The following IFT140 variants were observed in gnomAD, a reference collection of about 807,000 sequenced individuals.
The protein encoded by IFT140 is intraflagellar transport protein 140 homolog.
A neutral mutation model predicts 164.6 loss-of-function variants in IFT140; 133 were observed. The observed-to-expected ratio is 0.81, with a 90% CI of 0.70 to 0.93. IFT140 has a LOEUF of 0.93. Among genes scored for constraint, IFT140 ranks in the 40% least tolerant of loss-of-function variants. The probability of loss-of-function intolerance (pLI) is 0.00; values close to 1 mark genes in which losing one functional copy is unlikely to be tolerated. For missense variants in IFT140, 2,045 were observed against 1,972.3 expected (o/e 1.04, Z -0.70); for synonymous variants, 860 against 817.3 (o/e 1.05, Z -0.89).
rs2032842397 is a variant in IFT140 at position 1,553,453 on chromosome 16, G to A, written c.2399+4482C>T. The A allele has an allele frequency of 1.0e-6, 1 of 985,456 alleles. No individual in the cohort carries two copies. The highest frequency in any genetic ancestry group is 4.7e-5 in the South Asian group (1 of 21,290). 61.0% of individuals were successfully genotyped at this position (985,456 alleles called of 1,614,324 possible). A position where few individuals can be genotyped will look rare whatever the true frequency, so the allele number is the denominator to read the frequency against. On this transcript the variant is annotated intron_variant, in intron 19 of 30. Transcript: ENST00000426508. This position sits in a 1 kb window ranked among gnomAD's most constrained non-coding sequence, Gnocchi z 4.4. ...AGAGACCGGCATGAACAGACGCACA[G>A]GTGTCAACATGCAGGCCAGGCGGAG...
In IFT140 at chr16:1,592,455, CCCCACA is replaced by C; in HGVS notation, c.491+6_491+11del. 6.2e-7 allele frequency: 1 copy of C among 1,613,646 alleles called. No individual in the cohort carries two copies. The highest frequency in any genetic ancestry group is 1.1e-5 in the South Asian group (1 of 90,994). On this transcript the variant is annotated splice_donor_region_variant and intron_variant, in intron 5 of 30. Transcript: ENST00000426508. ...ACACACACACAGGTCACAGGGCAAG[CCCCACA>C]CTTACTCGCCAGGAGGGGGGAGCCG...
At chr16:1,580,650 G>T (rs779631662) in intron 13 of IFT140, 109 bp downstream of exon 13, 10 of 734,144 alleles carry the variant, frequency 1.4e-5, no homozygotes, top group Admixed American at 6.6e-5. Context: ...TACACAGTGT[G>T]AGAAAGGACT....
rs373222244 is a variant in IFT140 at position 1,520,826 on chromosome 16, T to C, written c.3454-18A>G. On this transcript the variant is annotated intron_variant, in intron 26 of 30. Coordinates refer to ENST00000426508, the MANE Select transcript of IFT140 (RefSeq NM_014714.4). ...TCCTGATACTGCAAAGGTGCAGAAA[T>C]GGGACGGGGCTGCCGAGGGGGCCGG... The C allele has an allele frequency of 1.4e-5, 22 of 1,596,286 alleles. No homozygotes were observed. In the African/African-American group the frequency reaches 2.5e-4, roughly 18 times the overall value.
chr16:1,602,431 G>A lies in IFT140; in HGVS notation c.308C>T (p.Thr103Ile). The change falls in exon 4 of 31, where the codon ACA becomes ATA. Residue 103 changes from threonine to isoleucine, a missense_variant. Physicochemically the swap from Thr to Ile is moderately conservative, Grantham distance 89 (BLOSUM62 -1). Coordinates refer to ENST00000426508, the MANE Select transcript of IFT140 (RefSeq NM_014714.4). ...CCAACGGAGCACGGTGATGTCGGCTGTGTGTGTCAGGGGCATCGTGTGCTG... is the reference window on the plus strand; with the variant it reads ...CCAACGGAGCACGGTGATGTCGGCTATGTGTGTCAGGGGCATCGTGTGCTG... The part of the protein sequence containing the change: ...KEQHTMPLTH[T>I]ADITVLRWSP... 6.2e-7 allele frequency: 1 copy of A among 1,614,240 alleles called. No individual in the cohort carries two copies. The highest frequency in any genetic ancestry group is 8.5e-7 in the Non-Finnish European group (1 of 1,180,038).
intron 4 of IFT140, among the ~76,000 whole-genome samples, chr16:1,595,388 C>A (rs1443209315): frequency 6.6e-6 from 1 of 151,960 alleles, no homozygotes; most frequent in Admixed American, 6.5e-5. Context: ...GAGGCCGAGG[C>A]AAGCAGATCA....
At chr16:1,544,583 G>A (rs2141319866) in intron 19 of IFT140, among the ~76,000 whole-genome samples, 1 of 152,130 alleles carries the variant, frequency 6.6e-6, no homozygotes, top group African/African-American at 2.4e-5. Flanking sequence ...ACCCACCTCA[G>A]CCTCCCAAAG....
At chr16:1,611,467 C>T (rs2036315198) in intron 1 of IFT140, among the ~76,000 whole-genome samples, 1 of 150,172 alleles carries the variant, frequency 6.7e-6, no homozygotes, top group South Asian at 2.1e-4. Flanking sequence ...CCACTGCACT[C>T]CAGCCTGGGC....
intron 14 of IFT140, among the ~76,000 whole-genome samples, chr16:1,569,295 A>T (rs1317221203): frequency 6.6e-6 from 1 of 152,090 alleles, no homozygotes; most frequent in Admixed American, 6.5e-5. Context: ...GGCGTGAGCC[A>T]CCGCGCTCGG....
intron 19 of IFT140, among the ~76,000 whole-genome samples, chr16:1,549,132 T>C (rs2032425312): frequency 6.6e-6 from 1 of 152,252 alleles, no homozygotes; most frequent in African/African-American, 2.4e-5. Flanking sequence ...GTGGCGCCTC[T>C]GGGTCTCACT....
At chr16:1,562,810 C>G (rs1421503446) in intron 17 of IFT140, among the ~76,000 whole-genome samples, 1 of 152,034 alleles carries the variant, frequency 6.6e-6, no homozygotes, top group Non-Finnish European at 1.5e-5. Flanking sequence ...AGTGGCACCA[C>G]CAACAAAGAG....
At chr16:1,611,120 C>G (rs978927300) in intron 1 of IFT140, among the ~76,000 whole-genome samples, 1 of 152,210 alleles carries the variant, frequency 6.6e-6, no homozygotes, top group Non-Finnish European at 1.5e-5. Context: ...TCGATGCGCT[C>G]GGCAGTGTCC....
At position 1,520,754 on chromosome 16, in the gene IFT140, TCTC is replaced by T; in HGVS notation, c.3505_3507del (p.Glu1169del). ...TTGGCCACGGTCATCTTTTCCGCCA[TCTC>T]CTCGGTGATGCTCATGTTCTGCCCC... On this transcript the variant is annotated inframe_deletion, in exon 27 of 31. Coordinates refer to ENST00000426508, the MANE Select transcript of IFT140 (RefSeq NM_014714.4). The T allele has an allele frequency of 6.2e-7, 1 of 1,609,382 alleles. No homozygotes were observed. The highest frequency in any genetic ancestry group is 8.5e-7 in the Non-Finnish European group (1 of 1,180,000).
At position 1,516,139 on chromosome 16, in the gene IFT140, C is replaced by CAAAAAAAAAAAAAAAAAAAA. The variant is rs869165237; in HGVS notation, c.4182+2057_4182+2076dup. On this transcript the variant is annotated intron_variant, in intron 30 of 30. Coordinates refer to ENST00000426508, the MANE Select transcript of IFT140 (RefSeq NM_014714.4). Reference sequence around the variant, plus strand: ...GGCTACAAAGAGCAAAACTCTGTCTCAAAAAAAAAAAAAAAAAAAAAAAAA... The same window carrying CAAAAAAAAAAAAAAAAAAAA: ...GGCTACAAAGAGCAAAACTCTGTCTCAAAAAAAAAAAAAAAAAAAAAAAAAAAAAAAAAAAAAAAAAAAAA... 1.3e-4 allele frequency among the ~76,000 whole-genome samples: 6 copies of CAAAAAAAAAAAAAAAAAAAA among 46,022 alleles called. 2 individuals carry two copies. Among genetic ancestry groups the CAAAAAAAAAAAAAAAAAAAA allele is most frequent in the Non-Finnish European group, 2.3e-4 (5 of 22,028 alleles). 30.2% of individuals were successfully genotyped at this position (46,022 alleles called of 152,430 possible).
intron 19 of IFT140, 54 bp from the exon 20 acceptor site, chr16:1,526,850 G>C: frequency 1.3e-6 from 2 of 1,526,308 alleles, no homozygotes; most frequent in South Asian, 1.2e-5. Flanking sequence ...AGGGCCCCCT[G>C]GCCCTACGGC....
At chr16:1,604,307 G>GTGTGTGTGTA (rs1415586898) in intron 3 of IFT140, 2 of 135,186 alleles carry the variant, frequency 1.5e-5, no homozygotes, top group Non-Finnish European at 3.1e-5. Flanking sequence ...GTGTGTGTGT[G>GTGTGTGTGTA]TGTGTGTGTG....
At position 1,519,884 on chromosome 16, in the gene IFT140, C is replaced by A. The variant is rs144050063; in HGVS notation, c.4037G>T (p.Arg1346Leu). 1.3e-6 allele frequency: 2 copies of A among 1,538,570 alleles called. No homozygotes were observed. The highest frequency in any genetic ancestry group is 2.1e-5 in the Admixed American group (1 of 47,390). The change falls in exon 29 of 31, where the codon CGC (arginine) becomes CTC (leucine). Residue 1346 changes from arginine to leucine, a missense_variant. Physicochemically the swap from Arg to Leu is moderately radical, Grantham distance 102. Coordinates refer to ENST00000426508, the MANE Select transcript of IFT140 (RefSeq NM_014714.4). ...MALVKRFIQARRTYTEDPKES... is the reference protein window; with the variant it reads ...MALVKRFIQALRTYTEDPKES... ...CCCGCTGGCCCCGGGGGCACACCTG[C>A]GGGCCTGGATGAACCTCTTCACCAG...
chr16:1,594,614 G>A (rs977311274), intron 4 of IFT140, among the ~76,000 whole-genome samples: 3 of 152,214 alleles, frequency 2.0e-5, no homozygotes, highest in South Asian at 2.1e-4. Flanking sequence ...TGAAGTCCTC[G>A]TGCTTGGTGC....
At chr16:1,542,226 G>T in intron 19 of IFT140, 2 of 835,818 alleles carry the variant, frequency 2.4e-6, no homozygotes, top group Non-Finnish European at 3.5e-6. Flanking sequence ...GCCCCATGGG[G>T]CATCCTCCCT....
chr16:1,515,308 C>T (rs544154997), intron 30 of IFT140, among the ~76,000 whole-genome samples: 1 of 152,258 alleles, frequency 6.6e-6, no homozygotes, highest in South Asian at 2.1e-4. Flanking sequence ...AGACACATGA[C>T]ATGTAAGGGC....
Sources: allele counts gnomAD v4.1 joint callset (sites outside exome capture counted in the v4.1 genomes callset), GRCh38; gene constraint gnomAD v4.1.1; non-coding constraint Gnocchi (gnomAD v3.1); transcripts MANE v1.5; gene names NCBI Gene and HGNC (gene_info 2026-07-23, HGNC 2026-07-21).